CFAP47: variants seen among roughly 807,000 people sequenced by gnomAD.
CFAP47 encodes the protein cilia- and flagella-associated protein 47.
In CFAP47, 29 loss-of-function variants were observed where a neutral mutation model predicts 148.1. That is an observed-to-expected ratio of 0.20 (90% CI 0.15 to 0.27). The LOEUF (loss-of-function observed/expected upper bound fraction) is 0.27. Ranked by LOEUF, CFAP47 falls within the 10% of genes least tolerant of loss-of-function variation. The pLI is 1.00. For synonymous variants in CFAP47, 664 were observed against 577.3 expected (o/e 1.15, Z -2.15); for missense variants, 1,872 against 1,697.5 (o/e 1.10, Z -1.81).
chrX:36,010,805 C>T (rs1298900267), intron 21 of CFAP47, among the ~76,000 whole-genome samples: 3 of 111,650 alleles, frequency 2.7e-5, no homozygotes, highest in East Asian at 2.8e-4. Context: ...ATTCTCGTTT[C>T]GTGTATACAT....
chrX:35,966,851 A>G (rs751213136), intron 9 of CFAP47, 97 bp downstream of exon 9: 2 of 597,876 alleles, frequency 3.3e-6, no homozygotes, highest in Admixed American at 4.3e-5. Flanking sequence ...ACGCACATAT[A>G]TGTGAAAGAA....
intron 27 of CFAP47, among the ~76,000 whole-genome samples, chrX:36,068,969 A>G (rs1569248332): frequency 1.8e-5 from 2 of 109,687 alleles, no homozygotes; most frequent in Non-Finnish European, 3.8e-5. Context: ...AAAAAAAAAA[A>G]AAGAAAAAAG....
intron 26 of CFAP47, among the ~76,000 whole-genome samples, chrX:36,062,494 G>T (rs1302116826): frequency 2.7e-5 from 3 of 111,642 alleles, no homozygotes. Context: ...CTAATGACCA[G>T]AGAGATGAAT....
At chrX:36,027,181 A>G (rs1363358080) in intron 22 of CFAP47, among the ~76,000 whole-genome samples, 1 of 105,156 alleles carries the variant, frequency 9.5e-6, no homozygotes, top group Non-Finnish European at 1.9e-5. Flanking sequence ...TATATATATG[A>G]TTATATATAT....
At chrX:36,334,949 G>A (rs1169619007) in intron 57 of CFAP47, among the ~76,000 whole-genome samples, 1 of 110,338 alleles carries the variant, frequency 9.1e-6, no homozygotes, top group Non-Finnish European at 1.9e-5. Flanking sequence ...ATCTCTATCT[G>A]TGCTCATACC....
At chrX:36,200,946 T>C (rs1939974197) in intron 43 of CFAP47, among the ~76,000 whole-genome samples, 2 of 110,788 alleles carry the variant, frequency 1.8e-5, no homozygotes, top group South Asian at 7.6e-4. Flanking sequence ...TGTCTTTTTT[T>C]TTTCCACATT....
chrX:35,958,168 G>A (rs1469045616), intron 8 of CFAP47, among the ~76,000 whole-genome samples: 1 of 111,341 alleles, frequency 9.0e-6, no homozygotes, highest in East Asian at 2.8e-4. Flanking sequence ...CTTTCATTTA[G>A]CGTAATATTT....
intron 61 of CFAP47, 124 bp from the exon 62 acceptor site, chrX:36,366,842 T>C: frequency 3.0e-6 from 1 of 336,564 alleles, no homozygotes; most frequent in Non-Finnish European, 5.1e-6. Context: ...AAGAATTAAA[T>C]GTCCTAGTGT....
chrX:36,256,521 TA>T (rs1940754566), intron 49 of CFAP47, among the ~76,000 whole-genome samples: 1 of 111,981 alleles, frequency 8.9e-6, no homozygotes, highest in Non-Finnish European at 1.9e-5. Context: ...ATAATCTACA[TA>T]GACCTCATGT....
chrX:36,011,484 G>A (rs924593808), intron 21 of CFAP47, among the ~76,000 whole-genome samples: 4 of 111,655 alleles, frequency 3.6e-5, no homozygotes, highest in Non-Finnish European at 7.5e-5. Context: ...CCAGACTTTA[G>A]GTAGCGTTTG....
In CFAP47 at chrX:36,085,425, G is replaced by T; in HGVS notation, c.4803G>T (p.Leu1601Phe). ...NKTIYDVLLH[L>F]SGKMPPGINS... ...CCATTTATGATGTGCTGCTCCATTT[G>T]AGTGGAAAAATGCCACCTGGAATTA... The change falls in exon 30 of 64, where the codon TTG becomes TTT. Residue 1601 changes from leucine to phenylalanine, a missense_variant. Leu to Phe is a conservative substitution (Grantham distance 22). Coordinates refer to ENST00000378653, the MANE Select transcript of CFAP47 (RefSeq NM_001304548.2). 2 of 1,201,095 alleles carry T rather than the reference G, an allele frequency of 1.7e-6. No individual in the cohort carries two copies. Among genetic ancestry groups the T allele is most frequent in the Non-Finnish European group, 2.3e-6 (2 of 886,966 alleles).
chrX:36,171,807 T>G (rs1296116706), intron 39 of CFAP47, among the ~76,000 whole-genome samples: 1 of 111,154 alleles, frequency 9.0e-6, no homozygotes, highest in Non-Finnish European at 1.9e-5. Flanking sequence ...TTATGAACTT[T>G]AAAGTAGTTT....
rs780025592 is a variant in CFAP47 at position 36,000,840 on chromosome X, C to T, written c.3322+413C>T. Among the ~76,000 whole-genome samples, 19 of 111,520 alleles carry T rather than the reference C, an allele frequency of 1.7e-4. No individual in the cohort carries two copies. In the South Asian group the frequency reaches 2.2e-3, roughly 13 times the overall value. ...TGTTAAATTAGATTTAAACAAAATA[C>T]GCATTTTTGTAAGTTTACTCCATAG... On this transcript the variant is annotated intron_variant, in intron 20 of 63. Coordinates refer to ENST00000378653, the MANE Select transcript of CFAP47 (RefSeq NM_001304548.2).
chrX:36,073,505 AT>A (rs1937793974), intron 29 of CFAP47, 141 bp downstream of exon 29: 2 of 414,003 alleles, frequency 4.8e-6, no homozygotes, highest in South Asian at 1.3e-4. Context: ...CTCATAATTT[AT>A]TGTTGTTATT....
At chrX:36,128,248 C>T (rs755256229) in intron 33 of CFAP47, among the ~76,000 whole-genome samples, 2 of 110,901 alleles carry the variant, frequency 1.8e-5, no homozygotes, top group South Asian at 7.6e-4. Flanking sequence ...TGAATAGTAT[C>T]TTACTAAGTA....
chrX:36,023,206 C>G (rs976551331), intron 22 of CFAP47, among the ~76,000 whole-genome samples: 1 of 112,568 alleles, frequency 8.9e-6, no homozygotes, highest in Admixed American at 9.3e-5. Flanking sequence ...GTGATTCTTG[C>G]AGAATCAGAG....
intron 2 of CFAP47, among the ~76,000 whole-genome samples, chrX:35,935,840 G>A (rs763154065): frequency 2.7e-5 from 3 of 110,577 alleles, no homozygotes; most frequent in Non-Finnish European, 3.8e-5. Context: ...ACTTCCTTCC[G>A]GACTCCATGG....
intron 22 of CFAP47, among the ~76,000 whole-genome samples, chrX:36,020,227 G>A (rs773199269): frequency 2.2e-4 from 25 of 112,111 alleles, no homozygotes; most frequent in African/African-American, 7.8e-4. Flanking sequence ...AATTTTGAAT[G>A]TTTTAAGACT....
chrX:36,290,857 C>T (rs782181230), intron 51 of CFAP47, among the ~76,000 whole-genome samples: 3 of 112,117 alleles, frequency 2.7e-5, no homozygotes, highest in East Asian at 2.8e-4. Context: ...TTCTGTCTGT[C>T]GCCACCACCA....
Sources: allele counts gnomAD v4.1 joint callset (sites outside exome capture counted in the v4.1 genomes callset), GRCh38; gene constraint gnomAD v4.1.1; transcripts MANE v1.5; gene names NCBI Gene and HGNC (gene_info 2026-07-23, HGNC 2026-07-21).